The following CPT2 variants were observed in gnomAD, a reference collection of about 807,000 sequenced individuals.
CPT2 encodes the protein carnitine palmitoyltransferase 2.
Under a neutral mutation model 48.6 loss-of-function variants are expected in CPT2, and 37 were observed. That is an observed-to-expected ratio of 0.76 (90% CI 0.59 to 1.00). The LOEUF (loss-of-function observed/expected upper bound fraction) is 1.00. Ranked by LOEUF, CPT2 falls within the 50% of genes least tolerant of loss-of-function variation. The pLI is 0.00. For missense variants in CPT2, 772 were observed against 825.6 expected, an observed-to-expected ratio of 0.94 and a Z score of 0.80; for synonymous variants, 319 against 326.9, an observed-to-expected ratio of 0.98 and a Z score of 0.26.
Position 53,196,887 on chromosome 1 carries a change from T to A in CPT2, c.-57T>A. ...CGCTAACGGCGGCGGCGGCCTTGTG[T>A]TTAGACTCCAGAACTCCCCACTTGC... On this transcript the variant is annotated 5_prime_UTR_variant, in exon 1 of 5. Transcript: ENST00000371486. The A allele has an allele frequency of 1.3e-6, 2 of 1,526,190 alleles. No individual in the cohort carries two copies. Among genetic ancestry groups the A allele is most frequent in the South Asian group, 2.4e-5 (2 of 83,520 alleles). 94.5% of individuals were successfully genotyped at this position (1,526,190 alleles called of 1,614,324 possible).
intron 3 of CPT2, among the ~76,000 whole-genome samples, chr1:53,205,643 T>G (rs1169639096): frequency 1.3e-5 from 2 of 152,218 alleles, no homozygotes; most frequent in Non-Finnish European, 2.9e-5. Context: ...TTCAGAGATC[T>G]TTACAGTAGC....
rs1294899016 is a variant in CPT2, at chr1:53,213,393, T to A, written c.1775T>A (p.Leu592Gln). 6.2e-7 allele frequency: 1 copy of A among 1,614,132 alleles called. No individual in the cohort carries two copies. The highest frequency in any genetic ancestry group is 8.5e-7 in the Non-Finnish European group (1 of 1,180,054). Residue 592 changes from leucine (L) to glutamine (Q), a missense_variant, in exon 5 of 5, where the codon CTG becomes CAG. By Grantham distance (113) the Leu-to-Gln change is moderately radical. Coordinates refer to ENST00000371486, the MANE Select transcript of CPT2 (RefSeq NM_000098.3). ...CACAATGTCCTGTCCACGAGCACAC[T>A]GAGCAGCCCAGCAGTGAACCTTGGG... ...INHNVLSTST[L>Q]SSPAVNLGGF... is the part of the protein sequence containing the mutation.
chr1:53,200,577 T>C (rs928356548), intron 1 of CPT2, 142 bp from the exon 2 acceptor site: 15 of 736,680 alleles, frequency 2.0e-5, no homozygotes, highest in Non-Finnish European at 3.7e-5. Flanking sequence ...AGTAAACCCA[T>C]TGATTCTGAT....
rs774755571 is a variant in CPT2 at position 53,211,307 on chromosome 1, G to A, written c.1633G>A (p.Glu545Lys). The change falls in exon 4 of 5, where the codon GAA becomes AAA. Residue 545 changes from glutamate (E) to lysine (K), a missense_variant. Coordinates refer to ENST00000371486, the MANE Select transcript of CPT2 (RefSeq NM_000098.3). Reference sequence around the variant, plus strand: ...CAAGTACCATGGCCAGCTGACCAAAGAAGCAGCAATGGGTGAGGCAGGGGT... The same window carrying A: ...CAAGTACCATGGCCAGCTGACCAAAAAAGCAGCAATGGGTGAGGCAGGGGT... ...CSKYHGQLTK[E>K]AAMGQGFDRH... is the part of the protein sequence containing the mutation. The A allele has an allele frequency of 7.5e-6, 12 of 1,606,018 alleles. No individual in the cohort carries two copies. In the Admixed American group the frequency reaches 2.0e-4, roughly 27 times the overall value.
rs1329892946 is a variant in CPT2 at position 53,197,110 on chromosome 1, C to T, written c.152+15C>T. ...AGCCTGCCCAGGTGAGCCTGGCCTC[C>T]GGGTCCCCGCCGCCCGCCGCCGTCC... On this transcript the variant is annotated intron_variant, in intron 1 of 4. Transcript: ENST00000371486. 4 of 1,537,090 alleles carry T rather than the reference C, an allele frequency of 2.6e-6. No individual in the cohort carries two copies. The highest frequency in any genetic ancestry group is 2.7e-5 in the African/African-American group (2 of 73,000).
At chr1:53,205,790 A>G (rs1645383828) in intron 3 of CPT2, among the ~76,000 whole-genome samples, 1 of 152,228 alleles carries the variant, frequency 6.6e-6, no homozygotes. Context: ...GCCAAGGCAC[A>G]GCTCTGGCCA....
chr1:53,211,778 T>C (rs1413453004), intron 4 of CPT2, among the ~76,000 whole-genome samples: 1 of 152,004 alleles, frequency 6.6e-6, no homozygotes, highest in Non-Finnish European at 1.5e-5. Context: ...TTTGCATTTT[T>C]AGTAAAGAAG....
chr1:53,197,042 G>C lies in CPT2; in HGVS notation c.99G>C (p.Gln33His), dbSNP rs1196469539. Residue 33 changes from glutamine (Q) to histidine (H), a missense_variant, in exon 1 of 5, where the codon CAG (glutamine) becomes CAC (histidine). Transcript: ENST00000371486. ...TCAGCGCCGGCTCCGGGCCCGGCCA[G>C]TACCTGCAGCGCAGCATCGTGCCCA... The part of the protein sequence containing the change: ...RPLSAGSGPG[Q>H]YLQRSIVPTM... 32 of 1,538,528 alleles carry C rather than the reference G, an allele frequency of 2.1e-5. No homozygotes were observed. Among genetic ancestry groups the C allele is most frequent in the Non-Finnish European group, 2.5e-5 (29 of 1,146,274 alleles).
intron 1 of CPT2, 115 bp downstream of exon 1, chr1:53,197,210 C>A: frequency 7.7e-7 from 1 of 1,294,354 alleles, no homozygotes; most frequent in Non-Finnish European, 1.1e-6. Flanking sequence ...AAGCCCCTAC[C>A]ATGGAGGCTG....
intron 3 of CPT2, chr1:53,204,395 C>T (rs1203005869): frequency 6.6e-6 from 1 of 151,802 alleles, no homozygotes; most frequent in Non-Finnish European, 1.5e-5. Flanking sequence ...GCTCTTTTTT[C>T]TTCTTATGGT....
At chr1:53,197,147 C>G (rs1347525730) in intron 1 of CPT2, 52 bp downstream of exon 1, 3 of 1,533,694 alleles carry the variant, frequency 2.0e-6, no homozygotes, top group Non-Finnish European at 2.6e-6. Flanking sequence ...AGGATCGGCC[C>G]CAACCTGACT....
intron 2 of CPT2, 152 bp from the exon 3 acceptor site, chr1:53,202,171 C>T (rs1283767395): frequency 3.6e-5 from 24 of 664,364 alleles, no homozygotes; most frequent in Non-Finnish European, 2.8e-6. Context: ...AGATTGATTC[C>T]TGTTCTGGTT....
intron 4 of CPT2, chr1:53,211,600 CTTTT>C (rs112026378): frequency 2.8e-3 from 1,058 of 373,426 alleles, no homozygotes; most frequent in Middle Eastern, 6.8e-3. Flanking sequence ...TTTTTTCTTT[CTTTT>C]TTTTTTTTTT....
rs1221996550 is a variant in CPT2, at chr1:53,214,097, G to A, written c.*502G>A. 6.0e-6 allele frequency: 1 copy of A among 167,348 alleles called. No individual in the cohort carries two copies. Among genetic ancestry groups the A allele is most frequent in the Non-Finnish European group, 1.3e-5 (1 of 76,406 alleles). The allele number at this position is 167,348 out of a possible 1,614,324, so 10.4% of individuals were successfully genotyped here. A position where few individuals can be genotyped will look rare whatever the true frequency, so the allele number is the denominator to read the frequency against. On this transcript the variant is annotated 3_prime_UTR_variant, in exon 5 of 5. Coordinates refer to ENST00000371486, the MANE Select transcript of CPT2 (RefSeq NM_000098.3). ...TAGATCACAACTGAAGATAACAAGA[G>A]ATTTAAGTTTTAAGGGCATTTAATC...
rs766154734 is a variant in CPT2, at chr1:53,213,572, G to C, written c.1954G>C (p.Glu652Gln). 1 of 1,613,770 alleles carries C rather than the reference G, an allele frequency of 6.2e-7. No individual in the cohort carries two copies. Among genetic ancestry groups the C allele is most frequent in the Admixed American group, 1.7e-5 (1 of 60,012 alleles). ...KALEDMFDAL[E>Q]GKSIKS ...CTTAGAAGACATGTTTGATGCCTTA[G>C]AAGGCAAATCCATCAAAAGTTAACT... The change falls in exon 5 of 5, where the codon GAA becomes CAA. Residue 652 changes from glutamate (E) to glutamine (Q), a missense_variant. Transcript: ENST00000371486.
intron 2 of CPT2, 68 bp from the exon 3 acceptor site, chr1:53,202,255 T>C: frequency 7.7e-7 from 1 of 1,300,876 alleles, no homozygotes; most frequent in Non-Finnish European, 1.1e-6. Flanking sequence ...TATGAGTTCC[T>C]CGCCATGAAC....
Position 53,213,656 on chromosome 1 carries a change from T to C in CPT2, c.*61T>C, listed in dbSNP as rs2100279562. ...ATCATGAAAACTGGGAGGCCGGGCATGGTGGCTCATGCCTGTAATCCCAGC... is the reference window on the plus strand; with the variant it reads ...ATCATGAAAACTGGGAGGCCGGGCACGGTGGCTCATGCCTGTAATCCCAGC... On this transcript the variant is annotated 3_prime_UTR_variant, in exon 5 of 5. Coordinates refer to ENST00000371486, the MANE Select transcript of CPT2 (RefSeq NM_000098.3). 1 of 1,446,606 alleles carries C rather than the reference T, an allele frequency of 6.9e-7. No homozygotes were observed. The highest frequency in any genetic ancestry group is 9.5e-7 in the Non-Finnish European group (1 of 1,049,552). 89.6% of individuals were successfully genotyped at this position (1,446,606 alleles called of 1,614,324 possible).
Position 53,213,505 on chromosome 1 carries a change from A to T in CPT2, c.1887A>T (p.Pro629=), listed in dbSNP as rs750144923. The stretch of plus-strand genomic sequence containing the variant: ...TAGGCTGCAATGTCTCTTCCTACCC[A>T]GGCCGCAATGCCCGGGAGTTTCTCC... The part of the protein sequence containing the change: ...NWIGCNVSSY[P]GRNAREFLQC... The change falls in exon 5 of 5, where the codon CCA becomes CCT. Residue 629 remains proline, a synonymous_variant. Transcript: ENST00000371486. The T allele has an allele frequency of 1.2e-6, 2 of 1,614,252 alleles. No individual in the cohort carries two copies. Among genetic ancestry groups the T allele is most frequent in the Non-Finnish European group, 1.7e-6 (2 of 1,180,030 alleles).
rs773788921 is a variant in CPT2 at position 53,210,300 on chromosome 1, C to T, written c.626C>T (p.Ala209Val). ...TGGTATGGGGCCTACCTGGTCAATG[C>T]GTATCCCCTGGATATGTCCCAGTAT... The part of the protein sequence containing the change: ...LSWYGAYLVN[A>V]YPLDMSQYFR... The change falls in exon 4 of 5, where the codon GCG (alanine) becomes GTG (valine). Residue 209 changes from alanine (A) to valine (V), a missense_variant. Transcript: ENST00000371486. 8 of 1,614,036 alleles carry T rather than the reference C, an allele frequency of 5.0e-6. No homozygotes were observed. Among genetic ancestry groups the T allele is most frequent in the African/African-American group, 2.7e-5 (2 of 74,922 alleles).
Sources: gnomAD v4.1 joint callset for allele counts (sites outside exome capture counted in the v4.1 genomes callset) on GRCh38, gnomAD v4.1.1 for gene constraint, MANE v1.5 for transcripts, NCBI Gene and HGNC (gene_info 2026-07-23, HGNC 2026-07-21) for gene names.